The following AGPAT3 variants were observed in gnomAD, a reference collection of about 807,000 sequenced individuals.
AGPAT3 encodes the protein 1-acylglycerol-3-phosphate O-acyltransferase 3.
A neutral mutation model predicts 47.3 loss-of-function variants in AGPAT3; 5 were observed. The observed-to-expected ratio is 0.11, with a 90% CI of 0.06 to 0.22. The LOEUF (loss-of-function observed/expected upper bound fraction) is 0.22, where lower values mean the gene tolerates loss of function less well. Ranked by LOEUF, AGPAT3 falls within the 10% of genes least tolerant of loss-of-function variation. The probability of loss-of-function intolerance (pLI) is 1.00; values close to 1 mark genes in which losing one functional copy is unlikely to be tolerated. For synonymous variants in AGPAT3, 212 were observed against 208.3 expected, an observed-to-expected ratio of 1.02 and a Z score of -0.15; for missense variants, 315 against 493.0, an observed-to-expected ratio of 0.64 and a Z score of 3.42.
rs757613509 is a variant in AGPAT3, at chr21:43,985,474, A to G, written c.*3082A>G. ...TGCCTGTCCCGACTCCCTTTCGCGC[A>G]CCGTGGCATGAGAATCTTTCCTCAC... is the stretch of plus-strand genomic sequence containing the variant. On this transcript the variant is annotated 3_prime_UTR_variant, in exon 10 of 10. Coordinates refer to ENST00000291572, the MANE Select transcript of AGPAT3 (RefSeq NM_020132.5). The G allele has an allele frequency of 6.3e-6, 2 of 316,756 alleles. No individual in the cohort carries two copies. The highest frequency in any genetic ancestry group is 1.2e-5 in the Non-Finnish European group (2 of 162,756). The allele number at this position is 316,756 out of a possible 1,614,324, so 19.6% of individuals were successfully genotyped here. A position where few individuals can be genotyped will look rare whatever the true frequency, so the allele number is the denominator to read the frequency against.
At chr21:43,959,551 G>C in intron 2 of AGPAT3, 83 bp from the exon 3 acceptor site, 1 of 1,256,618 alleles carries the variant, frequency 8.0e-7, no homozygotes, top group South Asian at 1.2e-5. Context: ...CATGTGCGGG[G>C]TGTGCAGTGA....
intron 2 of AGPAT3, among the ~76,000 whole-genome samples, chr21:43,913,429 T>A (rs1259467623): frequency 6.6e-6 from 1 of 151,920 alleles, no homozygotes; most frequent in Non-Finnish European, 1.5e-5. Flanking sequence ...TATAAAAAAA[T>A]ACAAAAATTA....
At chr21:43,895,279 G>GT (rs2086190029) in intron 1 of AGPAT3, among the ~76,000 whole-genome samples, 1 of 151,302 alleles carries the variant, frequency 6.6e-6, no homozygotes, top group African/African-American at 2.4e-5. Flanking sequence ...TAATTTTTTT[G>GT]TATTTTTTTA....
chr21:43,906,197 C>CA (rs1374517151), intron 2 of AGPAT3, among the ~76,000 whole-genome samples: 1 of 152,124 alleles, frequency 6.6e-6, no homozygotes, highest in Non-Finnish European at 1.5e-5. Flanking sequence ...ATCCGATTTA[C>CA]AACCAAGCTT....
Position 43,934,974 on chromosome 21 carries a change from GCCA to G in AGPAT3, c.-48-24655_-48-24653del, listed in dbSNP as rs1329670086. Among the ~76,000 whole-genome samples the G allele has an allele frequency of 1.4e-5, 2 of 147,854 alleles. No individual in the cohort carries two copies. Among genetic ancestry groups the G allele is most frequent in the Non-Finnish European group, 3.0e-5 (2 of 66,946 alleles). On this transcript the variant is annotated intron_variant, in intron 2 of 9. Transcript: ENST00000291572. The surrounding 1 kb of genome is among the most constrained non-coding windows in gnomAD (Gnocchi z 4.7). ...CATGCCACTCACATGCCATTGACACGCCACCACGCCACTTACGCCACCCACGCT... is the reference window on the plus strand; with the variant it reads ...CATGCCACTCACATGCCATTGACACGCCACGCCACTTACGCCACCCACGCT...
intron 2 of AGPAT3, among the ~76,000 whole-genome samples, chr21:43,948,745 ATTTAT>A (rs1220177724): frequency 4.6e-5 from 7 of 152,340 alleles, no homozygotes; most frequent in Admixed American, 1.3e-4. Flanking sequence ...TTTGTATTTT[ATTTAT>A]TTTATCAGTA....
At chr21:43,871,221 A>T (rs1799440820) in intron 1 of AGPAT3, among the ~76,000 whole-genome samples, 1 of 152,228 alleles carries the variant, frequency 6.6e-6, no homozygotes, top group African/African-American at 2.4e-5. Flanking sequence ...GAGAGGGGGA[A>T]AAATCCCAAG....
chr21:43,906,842 G>C (rs553716343), intron 2 of AGPAT3, among the ~76,000 whole-genome samples: 91 of 152,288 alleles, frequency 6.0e-4, no homozygotes, highest in African/African-American at 1.9e-3. Context: ...TGCTCCGCCT[G>C]GGCGAGCCGA....
chr21:43,918,650 G>A (rs925022592), intron 2 of AGPAT3, among the ~76,000 whole-genome samples: 5 of 149,576 alleles, frequency 3.3e-5, no homozygotes, highest in East Asian at 2.0e-4. Flanking sequence ...GCAGTGGTAC[G>A]ATCTTGGCTC....
intron 1 of AGPAT3, among the ~76,000 whole-genome samples, chr21:43,874,377 T>C (rs2085689360): frequency 6.6e-6 from 1 of 152,274 alleles, no homozygotes; most frequent in South Asian, 2.1e-4. Flanking sequence ...TCTGCTGTAC[T>C]GTCGTCTTGT....
chr21:43,873,460 C>T (rs1263282922), intron 1 of AGPAT3, among the ~76,000 whole-genome samples: 2 of 152,176 alleles, frequency 1.3e-5, no homozygotes, highest in African/African-American at 2.4e-5. Flanking sequence ...CTTCTGCATC[C>T]TCTGCCTCCC....
rs576125963 is a variant in AGPAT3, at chr21:43,977,647, G to A, written c.768-399G>A. Among the ~76,000 whole-genome samples the A allele has an allele frequency of 6.6e-5, 10 of 152,332 alleles. No individual in the cohort carries two copies. In the South Asian group the frequency reaches 1.5e-3, roughly 22 times the overall value. ...AATCCCAGCACTTTGGGAGGCTGAG[G>A]CGGGTGGATCACGAGGTCAAGAGAT... On this transcript the variant is annotated intron_variant, in intron 7 of 9. Transcript: ENST00000291572.
intron 2 of AGPAT3, among the ~76,000 whole-genome samples, chr21:43,925,654 T>C (rs2087030432): frequency 6.6e-6 from 1 of 152,194 alleles, no homozygotes; most frequent in Non-Finnish European, 1.5e-5. Flanking sequence ...CCAGCTCCGC[T>C]CTGTCCCCTC....
intron 8 of AGPAT3, among the ~76,000 whole-genome samples, chr21:43,980,781 T>C (rs1434680282): frequency 6.6e-6 from 1 of 152,212 alleles, no homozygotes; most frequent in Non-Finnish European, 1.5e-5. Flanking sequence ...GTTGATATGC[T>C]TGCGAGCTCT....
chr21:43,977,511 C>A (rs887383999), intron 7 of AGPAT3, among the ~76,000 whole-genome samples: 1 of 152,122 alleles, frequency 6.6e-6, no homozygotes, highest in Non-Finnish European at 1.5e-5. Flanking sequence ...GGCCTCTCGC[C>A]GCCATGCCAC....
intron 1 of AGPAT3, among the ~76,000 whole-genome samples, chr21:43,899,146 AGT>A (rs1375916644): frequency 7.5e-6 from 1 of 132,668 alleles, no homozygotes; most frequent in African/African-American, 3.0e-5. Context: ...CTCTGGTTAG[AGT>A]GTGCTGGTGG....
At chr21:43,941,983 G>A (rs2087672926) in intron 2 of AGPAT3, among the ~76,000 whole-genome samples, 1 of 152,272 alleles carries the variant, frequency 6.6e-6, no homozygotes, top group Non-Finnish European at 1.5e-5. Flanking sequence ...TGCTGACCAG[G>A]TGGCAGGGGA....
intron 2 of AGPAT3, chr21:43,925,505 T>C (rs1339394693): frequency 6.6e-6 from 1 of 152,490 alleles, no homozygotes; most frequent in Non-Finnish European, 1.5e-5. Flanking sequence ...CCTGGCTGAC[T>C]TTGAGGCACC....
intron 1 of AGPAT3, among the ~76,000 whole-genome samples, chr21:43,876,585 A>T (rs889179982): frequency 2.2e-4 from 33 of 152,254 alleles, no homozygotes; most frequent in Non-Finnish European, 8.8e-5. Flanking sequence ...CTACAGCAGA[A>T]ATCTGAGATT....
Sources: gnomAD v4.1 joint callset for allele counts (sites outside exome capture counted in the v4.1 genomes callset) on GRCh38, gnomAD v4.1.1 for gene constraint, Gnocchi (gnomAD v3.1) non-coding constraint, MANE v1.5 for transcripts, NCBI Gene and HGNC (gene_info 2026-07-23, HGNC 2026-07-21) for gene names.